DNTT: variants seen among roughly 807,000 people sequenced by gnomAD.
DNTT encodes DNA nucleotidylexotransferase.
In DNTT, 47 loss-of-function variants were observed where a neutral mutation model predicts 60.9. The ratio of observed to expected loss-of-function variants is 0.77; its 90% CI spans 0.61 to 0.98. The LOEUF (loss-of-function observed/expected upper bound fraction) is 0.98, where lower values mean the gene tolerates loss of function less well. DNTT is among the 50% of genes least tolerant of loss of function. The pLI is 0.00. For synonymous variants in DNTT, 224 were observed against 221.2 expected, an observed-to-expected ratio of 1.01 and a Z score of -0.11; for missense variants, 665 against 627.5, an observed-to-expected ratio of 1.06 and a Z score of -0.64.
At chr10:96,337,166 C>T (rs944568729) in intron 10 of DNTT, among the ~76,000 whole-genome samples, 2 of 152,182 alleles carry the variant, frequency 1.3e-5, no homozygotes, top group African/African-American at 4.8e-5. Flanking sequence ...TATTCTCAGG[C>T]AGGTTTCCCC....
At chr10:96,312,103 C>A (rs1182165401) in intron 1 of DNTT, among the ~76,000 whole-genome samples, 2 of 152,096 alleles carry the variant, frequency 1.3e-5, no homozygotes, top group Non-Finnish European at 2.9e-5. Context: ...TGTGTACCTC[C>A]TAAAATTATG....
Position 96,324,206 on chromosome 10 carries a change from G to T in DNTT, c.751-60G>T. The T allele has an allele frequency of 2.6e-6, 4 of 1,561,574 alleles. No individual in the cohort carries two copies. In the South Asian group the frequency reaches 4.8e-5, roughly 19 times the overall value. On this transcript the variant is annotated intron_variant, in intron 5 of 10. Coordinates refer to ENST00000371174, the MANE Select transcript of DNTT (RefSeq NM_004088.4). ...TTGCCTGAGACCTAGAAAGGGTCATGACTCGGATGTTATAATGATTATCTT... is the reference window on the plus strand; with the variant it reads ...TTGCCTGAGACCTAGAAAGGGTCATTACTCGGATGTTATAATGATTATCTT...
chr10:96,321,868 T>C (rs1020311243), intron 4 of DNTT, among the ~76,000 whole-genome samples: 4 of 152,142 alleles, frequency 2.6e-5, no homozygotes, highest in Non-Finnish European at 4.4e-5. Context: ...TTATAATCCA[T>C]ACCCTAATAT....
chr10:96,307,261 C>T (rs1052184734), intron 1 of DNTT, among the ~76,000 whole-genome samples: 7 of 151,522 alleles, frequency 4.6e-5, no homozygotes, highest in East Asian at 1.9e-4. Flanking sequence ...GAAAGAAACC[C>T]GTCAACATGT....
chr10:96,319,159 AT>A (rs1844830445), intron 2 of DNTT, 102 bp from the exon 3 acceptor site: 2 of 1,355,696 alleles, frequency 1.5e-6, no homozygotes, highest in South Asian at 3.4e-5. Flanking sequence ...GTCTCCTATA[AT>A]TTTATCCTCC....
intron 5 of DNTT, among the ~76,000 whole-genome samples, chr10:96,323,377 G>A (rs912634060): frequency 2.6e-5 from 4 of 152,016 alleles, no homozygotes; most frequent in African/African-American, 9.7e-5. Flanking sequence ...TCTTAAATAC[G>A]GTCATACTGG....
At chr10:96,319,029 T>C (rs1164003793) in intron 2 of DNTT, among the ~76,000 whole-genome samples, 1 of 152,218 alleles carries the variant, frequency 6.6e-6, no homozygotes, top group Admixed American at 6.5e-5. Flanking sequence ...CAGAAGTTCA[T>C]AGAAAACGAA....
chr10:96,312,542 C>G (rs1280903151), intron 1 of DNTT, among the ~76,000 whole-genome samples: 1 of 152,160 alleles, frequency 6.6e-6, no homozygotes, highest in African/African-American at 2.4e-5. Context: ...AATGTAGAAC[C>G]ACGGGGAACA....
rs755177394 is a variant in DNTT, at chr10:96,320,691, C to T, written c.581C>T (p.Ala194Val). 1.2e-5 allele frequency: 19 copies of T among 1,613,748 alleles called. No individual in the cohort carries two copies. In the Admixed American group the frequency reaches 3.0e-4, roughly 25 times the overall value. ...GACTCCTGTGTGACATTTATGAGAG[C>T]AGCTTCTGTATTGAAATCTCTGCCA... ...NEDSCVTFMRAASVLKSLPFT... is the reference protein window; with the variant it reads ...NEDSCVTFMRVASVLKSLPFT... The change falls in exon 4 of 11, where the codon GCA becomes GTA. Residue 194 changes from alanine to valine, a missense_variant. Coordinates refer to ENST00000371174, the MANE Select transcript of DNTT (RefSeq NM_004088.4).
At chr10:96,320,563 C>T in intron 3 of DNTT, 55 bp from the exon 4 acceptor site, 1 of 1,594,966 alleles carries the variant, frequency 6.3e-7, no homozygotes. Flanking sequence ...TGTGAGTGAC[C>T]ACTGGCTCAG....
chr10:96,320,880 T>C, intron 4 of DNTT, 92 bp downstream of exon 4: 1 of 1,492,122 alleles, frequency 6.7e-7, no homozygotes, highest in Non-Finnish European at 9.1e-7. Context: ...CTGTCAACTA[T>C]GTAGATGTGG....
chr10:96,329,562 G>A (rs117328099), intron 8 of DNTT, among the ~76,000 whole-genome samples: 4,908 of 152,270 alleles, frequency 0.032, 104 homozygotes, highest in Non-Finnish European at 0.05. Flanking sequence ...TGAGTAGTTT[G>A]CATCTGTTTG....
At chr10:96,335,017 C>T (rs918123236) in intron 9 of DNTT, among the ~76,000 whole-genome samples, 1 of 152,202 alleles carries the variant, frequency 6.6e-6, no homozygotes, top group East Asian at 1.9e-4. Flanking sequence ...AAATAAAGGA[C>T]TTCTGATTGC....
At chr10:96,308,127 A>C (rs1266104082) in intron 1 of DNTT, among the ~76,000 whole-genome samples, 2 of 152,166 alleles carry the variant, frequency 1.3e-5, no homozygotes, top group African/African-American at 4.8e-5. Flanking sequence ...TGTTCCTAAC[A>C]CATTCTTTGG....
chr10:96,324,788 C>G (rs1004037484), intron 6 of DNTT, among the ~76,000 whole-genome samples: 2 of 152,186 alleles, frequency 1.3e-5, no homozygotes, highest in South Asian at 4.1e-4. Context: ...ACATTGGGTC[C>G]TGGCTGTCTC....
Position 96,304,668 on chromosome 10 carries a change from C to A in DNTT, c.171C>A (p.Arg57=). 1 of 1,614,064 alleles carries A rather than the reference C, an allele frequency of 6.2e-7. No homozygotes were observed. Among genetic ancestry groups the A allele is most frequent in the Non-Finnish European group, 8.5e-7 (1 of 1,180,000 alleles). The change falls in exon 1 of 11, where the codon CGC becomes CGA. Residue 57 remains arginine (R), a synonymous_variant. Transcript: ENST00000371174. ...TRRAFLMELA[R]RKGFRVENEL... ...GAGCGTTCCTCATGGAGCTGGCCCG[C>A]AGGAAAGGGTTCAGGGTTGAAAATG...
At chr10:96,307,628 A>G (rs1007863873) in intron 1 of DNTT, among the ~76,000 whole-genome samples, 7 of 148,574 alleles carry the variant, frequency 4.7e-5, no homozygotes, top group Non-Finnish European at 8.9e-5. Context: ...TGCTGGGATT[A>G]CAAGCGTGAG....
Position 96,314,402 on chromosome 10 carries a change from C to CTTTTTTTTTTTTTTTTTTTTTTTTTTTT in DNTT, c.204-3949_204-3922dup, listed in dbSNP as rs869059822. Among the ~76,000 whole-genome samples, 18 of 53,218 alleles carry CTTTTTTTTTTTTTTTTTTTTTTTTTTTT rather than the reference C, an allele frequency of 3.4e-4. 6 individuals are homozygous for CTTTTTTTTTTTTTTTTTTTTTTTTTTTT. The highest frequency in any genetic ancestry group is 4.3e-4 in the Non-Finnish European group (11 of 25,334). The allele number at this position is 53,218 out of a possible 152,430, so 34.9% of individuals were successfully genotyped here. On this transcript the variant is annotated intron_variant, in intron 1 of 10. Transcript: ENST00000371174. The stretch of plus-strand genomic sequence containing the variant: ...TAACATTTCCAAGGCTATCTCTTCC[C>CTTTTTTTTTTTTTTTTTTTTTTTTTTTT]TTTTTTTTTTTTTTTTTTTTTTTTT...
intron 6 of DNTT, among the ~76,000 whole-genome samples, chr10:96,324,992 G>C (rs1844923321): frequency 6.6e-6 from 1 of 152,170 alleles, no homozygotes. Context: ...CCTAAGACAA[G>C]ACCGTGGTGG....
Sources: allele counts gnomAD v4.1 joint callset (sites outside exome capture counted in the v4.1 genomes callset), GRCh38; gene constraint gnomAD v4.1.1; transcripts MANE v1.5; gene names NCBI Gene and HGNC (gene_info 2026-07-23, HGNC 2026-07-21).